The following EYA1 variants were observed in gnomAD, a reference collection of about 807,000 sequenced individuals.
The protein encoded by EYA1 is protein phosphatase EYA1.
EYA1 carries 16 observed loss-of-function variants against 82.0 expected under a neutral mutation model. That is an observed-to-expected ratio of 0.20 (90% CI 0.13 to 0.30). The LOEUF (loss-of-function observed/expected upper bound fraction) is 0.30. EYA1 is among the 10% of genes least tolerant of loss of function. EYA1 has a pLI of 1.00. For missense variants in EYA1, 633 were observed against 730.7 expected (o/e 0.87, Z 1.54); for synonymous variants, 261 against 264.4 (o/e 0.99, Z 0.12).
chr8:71,446,521 A>G (rs1806892126), intron 2 of EYA1, among the ~76,000 whole-genome samples: 1 of 152,176 alleles, frequency 6.6e-6, no homozygotes, highest in Non-Finnish European at 1.5e-5. Flanking sequence ...CAGTGCGAAA[A>G]TGGACTATTA....
At chr8:71,337,039 T>A (rs540863414) in intron 3 of EYA1, among the ~76,000 whole-genome samples, 8 of 152,284 alleles carry the variant, frequency 5.3e-5, no homozygotes, top group Non-Finnish European at 1.2e-4. Flanking sequence ...ATTTTATCCA[T>A]CCCATTCCCA....
At chr8:71,502,950 C>T (rs940068350) in intron 2 of EYA1, among the ~76,000 whole-genome samples, 2 of 152,194 alleles carry the variant, frequency 1.3e-5, no homozygotes, top group Non-Finnish European at 2.9e-5. Flanking sequence ...CAAACATGCA[C>T]ACACAATTGT....
intron 4 of EYA1, among the ~76,000 whole-genome samples, chr8:71,329,373 C>G (rs538794710): frequency 1.2e-4 from 18 of 152,254 alleles, no homozygotes; most frequent in African/African-American, 3.6e-4. Context: ...TCTGGCAAAC[C>G]CTTGACCCTG....
At chr8:71,430,894 T>C (rs753110446) in intron 2 of EYA1, among the ~76,000 whole-genome samples, 89 of 125,102 alleles carry the variant, frequency 7.1e-4, no homozygotes, top group Admixed American at 1.1e-3. Flanking sequence ...TGGAAGACTC[T>C]AGAAAGGAGA....
chr8:71,309,397 G>A (rs1821087826), intron 7 of EYA1, among the ~76,000 whole-genome samples: 1 of 150,986 alleles, frequency 6.6e-6, no homozygotes, highest in African/African-American at 2.4e-5. Context: ...AAAATGCCAA[G>A]AACTAAAAAA....
At chr8:71,511,318 A>G (rs141873557) in intron 2 of EYA1, among the ~76,000 whole-genome samples, 3 of 152,286 alleles carry the variant, frequency 2.0e-5, no homozygotes, top group African/African-American at 7.2e-5. Context: ...AAAATTAGCC[A>G]TGGTCCCTGA....
chr8:71,360,448 A>G (rs1381275973), intron 1 of EYA1, among the ~76,000 whole-genome samples: 1 of 152,242 alleles, frequency 6.6e-6, no homozygotes, highest in African/African-American at 2.4e-5. Flanking sequence ...AAACTCACAC[A>G]GCAGTGGACT....
At chr8:71,303,498 T>A (rs1335401568) in intron 7 of EYA1, among the ~76,000 whole-genome samples, 2 of 142,536 alleles carry the variant, frequency 1.4e-5, no homozygotes, top group African/African-American at 5.0e-5. Flanking sequence ...CATACAAATA[T>A]CCCCAGAGTG....
At chr8:71,354,206 TAAGTA>T (rs1826609836) in intron 3 of EYA1, among the ~76,000 whole-genome samples, 1 of 152,226 alleles carries the variant, frequency 6.6e-6, no homozygotes, top group East Asian at 1.9e-4. Context: ...TACTAATCTT[TAAGTA>T]AATAAATAGT....
intron 2 of EYA1, among the ~76,000 whole-genome samples, chr8:71,367,716 G>A (rs1385210911): frequency 1.3e-5 from 2 of 152,150 alleles, no homozygotes; most frequent in African/African-American, 2.4e-5. Flanking sequence ...ATGTCAATAG[G>A]TATACAACCT....
rs192602787 is a variant in EYA1, at chr8:71,198,911, A to G, written c.*429T>C. ...CTGGGTATGAGACACCAAAAAGTAA[A>G]CCTTCTTTACAAGAAAATTCCTCCA... On this transcript the variant is annotated 3_prime_UTR_variant, in exon 18 of 18. Coordinates refer to ENST00000340726, the MANE Select transcript of EYA1 (RefSeq NM_000503.6). 387 of 235,234 alleles carry G rather than the reference A, an allele frequency of 1.6e-3. 1 individual carries two copies. Among genetic ancestry groups the G allele is most frequent in the Middle Eastern group, 6.4e-3 (4 of 624 alleles). The allele number at this position is 235,234 out of a possible 1,614,324, so 14.6% of individuals were successfully genotyped here.
chr8:71,405,112 TATC>T (rs1228222910), intron 2 of EYA1, among the ~76,000 whole-genome samples: 1 of 152,114 alleles, frequency 6.6e-6, no homozygotes, highest in Admixed American at 6.5e-5. Context: ...GCCAATATGG[TATC>T]ATATTACACG....
At chr8:71,287,905 C>A (rs2128981959) in intron 9 of EYA1, among the ~76,000 whole-genome samples, 1 of 152,324 alleles carries the variant, frequency 6.6e-6, no homozygotes, top group African/African-American at 2.4e-5. Context: ...TCATTTCATT[C>A]TCATAGTCAT....
At chr8:71,331,502 T>C (rs1355989962) in intron 4 of EYA1, among the ~76,000 whole-genome samples, 4 of 148,330 alleles carry the variant, frequency 2.7e-5, no homozygotes, top group South Asian at 2.1e-4. Context: ...TATATATATA[T>C]ACACATATAT....
chr8:71,357,102 A>G (rs1211766391), intron 1 of EYA1, among the ~76,000 whole-genome samples: 4 of 152,186 alleles, frequency 2.6e-5, no homozygotes, highest in Admixed American at 2.6e-4. Flanking sequence ...CTAACTATAT[A>G]AGGCAAAGGC....
chr8:71,299,510 G>C (rs976546412), intron 8 of EYA1, 128 bp downstream of exon 8: 1 of 740,522 alleles, frequency 1.4e-6, no homozygotes, highest in Non-Finnish European at 2.3e-6. Flanking sequence ...CTGCTAAAGT[G>C]AATTTTAAAA....
intron 1 of EYA1, among the ~76,000 whole-genome samples, chr8:71,545,456 T>C (rs910702242): frequency 2.6e-5 from 4 of 152,158 alleles, no homozygotes; most frequent in African/African-American, 9.7e-5. Flanking sequence ...AATACTGTTA[T>C]TATAACACCT....
intron 9 of EYA1, among the ~76,000 whole-genome samples, chr8:71,296,916 C>A (rs988118233): frequency 6.6e-6 from 1 of 151,928 alleles, no homozygotes; most frequent in East Asian, 1.9e-4. Flanking sequence ...AACAAAATAC[C>A]CAGACTAGAT....
Position 71,373,446 on chromosome 8 carries a change from T to C in EYA1, c.34-16935A>G, listed in dbSNP as rs572482661. Reference sequence around the variant, plus strand: ...TTTAACTAAGGAAGTAAAAGATCCGTACATTGAAAATTATATGAAACATTG... The same window carrying C: ...TTTAACTAAGGAAGTAAAAGATCCGCACATTGAAAATTATATGAAACATTG... On this transcript the variant is annotated intron_variant, in intron 2 of 18. Transcript: ENST00000643681. Among the ~76,000 whole-genome samples, 3 of 152,200 alleles carry C rather than the reference T, an allele frequency of 2.0e-5. No individual in the cohort carries two copies. In the East Asian group the frequency reaches 5.8e-4, roughly 29 times the overall value.
Sources: allele counts gnomAD v4.1 joint callset (sites outside exome capture counted in the v4.1 genomes callset), GRCh38; gene constraint gnomAD v4.1.1; transcripts MANE v1.5; gene names NCBI Gene and HGNC (gene_info 2026-07-23, HGNC 2026-07-21).